NPIPB6: variants seen among roughly 807,000 people sequenced by gnomAD.
NPIPB6 encodes nuclear pore complex-interacting protein family member B6.
In NPIPB6, 2 loss-of-function variants were observed where a neutral mutation model predicts 20.0. The observed-to-expected ratio is 0.10, with a 90% confidence interval of 0.04 to 0.31. The LOEUF (loss-of-function observed/expected upper bound fraction) is 0.31. Among genes scored for constraint, NPIPB6 ranks in the 10% least tolerant of loss-of-function variants. The probability of loss-of-function intolerance (pLI) is 1.00; values close to 1 mark genes in which losing one functional copy is unlikely to be tolerated. For missense variants in NPIPB6, 96 were observed against 293.7 expected, an observed-to-expected ratio of 0.33 and a Z score of 4.92; for synonymous variants, 35 against 116.3, an observed-to-expected ratio of 0.30 and a Z score of 4.50.
At chr16:28,361,770 A>ATGTGTGTG (rs1462242029) in intron 1 of NPIPB6, among the ~76,000 whole-genome samples, 11 of 72,760 alleles carry the variant, frequency 1.5e-4, no homozygotes, top group African/African-American at 5.5e-4. Flanking sequence ...GTGTGTGTGT[A>ATGTGTGTG]TGTGTGTGTG....
chr16:28,348,235 T>C lies in NPIPB6; in HGVS notation c.599+599A>G, dbSNP rs1454184649. 1.9e-5 allele frequency among the ~76,000 whole-genome samples: 2 copies of C among 105,308 alleles called. 1 individual carries two copies. The highest frequency in any genetic ancestry group is 6.7e-5 in the African/African-American group (2 of 30,018). 69.1% of individuals were successfully genotyped at this position (105,308 alleles called of 152,430 possible). ...GTTGCAGTGAGCCAAGATTGCACCA[T>C]AGCACTCCAGCCAGGGCGACAGAGC... On this transcript the variant is annotated intron_variant, in intron 4 of 6. Coordinates refer to ENST00000532254, the Ensembl canonical transcript of NPIPB6.
intron 2 of NPIPB6, among the ~76,000 whole-genome samples, chr16:28,351,384 G>A (rs1203594782): frequency 0.037 from 1,400 of 38,218 alleles, no homozygotes; most frequent in African/African-American, 0.12. Context: ...GGTGGCTCAC[G>A]CTTGTAATCC....
rs1277933157 is a variant in NPIPB6, at chr16:28,355,763, AT to A, written c.121-2703del. On this transcript the variant is annotated intron_variant, in intron 1 of 6. Transcript: ENST00000532254. ...ACAAGGGAGAAACTGTCTCAAAAAA[AT>A]AAATAAATAAATAAAATAATGTAGA... 2.5e-3 allele frequency among the ~76,000 whole-genome samples: 319 copies of A among 129,018 alleles called. 8 individuals are homozygous for A. Among genetic ancestry groups the A allele is most frequent in the African/African-American group, 8.2e-3 (302 of 36,944 alleles). 84.6% of individuals were successfully genotyped at this position (129,018 alleles called of 152,430 possible). A position where few individuals can be genotyped will look rare whatever the true frequency, so the allele number is the denominator to read the frequency against.
intron 1 of NPIPB6, among the ~76,000 whole-genome samples, chr16:28,355,700 G>A (rs1279881052): frequency 1.5e-5 from 2 of 129,546 alleles, no homozygotes; most frequent in East Asian, 2.3e-4. Context: ...AGAGGTTGCG[G>A]TGAGCTGATA....
downstream of NPIPB6, chr16:28,342,526 A>G: frequency 1.1e-6 from 1 of 917,380 alleles, no homozygotes; most frequent in Non-Finnish European, 1.6e-6. Flanking sequence ...TTTTATTTTT[A>G]TATTATTTAT....
In NPIPB6 at chr16:28,355,805, G is replaced by A. The variant is rs1397295827; in HGVS notation, c.121-2744C>T. On this transcript the variant is annotated intron_variant, in intron 1 of 6. Transcript: ENST00000532254. The stretch of plus-strand genomic sequence containing the variant: ...ATAATGTAGATCTTGAAAGGGGGTC[G>A]GTTTATGCTGGTGTAAGTACTTTCC... Among the ~76,000 whole-genome samples, 23 of 120,514 alleles carry A rather than the reference G, an allele frequency of 1.9e-4. 3 individuals are homozygous for A. The highest frequency in any genetic ancestry group is 2.7e-4 in the Admixed American group (3 of 11,038). The allele number at this position is 120,514 out of a possible 152,430, so 79.1% of individuals were successfully genotyped here.
At chr16:28,361,758 G>C (rs1408018645) in intron 1 of NPIPB6, among the ~76,000 whole-genome samples, 2 of 78,902 alleles carry the variant, frequency 2.5e-5, no homozygotes, top group Non-Finnish European at 5.8e-5. Flanking sequence ...GTGTGTGTGT[G>C]TGTGTGTGTG....
At chr16:28,362,375 GGCAT>G in intron 1 of NPIPB6, among the ~76,000 whole-genome samples, 1 of 151,302 alleles carries the variant, frequency 6.6e-6, no homozygotes, top group Admixed American at 6.6e-5. Flanking sequence ...TGGGATTACA[GGCAT>G]GAGTCACCAT....
At chr16:28,362,820 C>T (rs1164961265) in exon 1 of NPIPB6, 1 of 1,569,570 alleles carries the variant, frequency 6.4e-7, no homozygotes, top group Non-Finnish European at 8.6e-7. Context: ...AGAGCTTCAC[C>T]ATTTGCAGAA....
chr16:28,355,211 AAC>A (rs1265607831), intron 1 of NPIPB6, among the ~76,000 whole-genome samples: 1 of 130,012 alleles, frequency 7.7e-6, no homozygotes, highest in Non-Finnish European at 1.7e-5. Flanking sequence ...TGGTGAATTA[AAC>A]AGAGATAGCC....
chr16:28,359,035 T>A (rs543326047), intron 1 of NPIPB6, among the ~76,000 whole-genome samples: 13 of 111,266 alleles, frequency 1.2e-4, no homozygotes, highest in Non-Finnish European at 2.0e-4. Flanking sequence ...TGAGCCGAGA[T>A]CGTACCATTG....
At chr16:28,351,333 G>C (rs2045224615) in intron 2 of NPIPB6, among the ~76,000 whole-genome samples, 2 of 45,980 alleles carry the variant, frequency 4.3e-5, no homozygotes, top group African/African-American at 1.1e-4. Context: ...AAATGGAACT[G>C]TTAAAAAGTG....
intron 1 of NPIPB6, among the ~76,000 whole-genome samples, chr16:28,361,987 T>C (rs1206003254): frequency 6.8e-6 from 1 of 147,450 alleles, no homozygotes; most frequent in Non-Finnish European, 1.5e-5. Flanking sequence ...AATTCTTTTA[T>C]TCAAAATTAT....
At chr16:28,346,628 C>G (rs1222177370) in intron 4 of NPIPB6, 2 of 427,768 alleles carry the variant, frequency 4.7e-6, no homozygotes, top group Admixed American at 9.9e-5. Flanking sequence ...AGTTCACAGA[C>G]ATTGAGGGCA....
At chr16:28,349,889 CAAAAAAAAAAAAA>C (rs1178858068) in intron 2 of NPIPB6, among the ~76,000 whole-genome samples, 1 of 16,888 alleles carries the variant, frequency 5.9e-5, no homozygotes, top group Admixed American at 8.2e-4. Flanking sequence ...AACTCTGTCT[CAAAAAAAAAAAAA>C]AAAAAAAAAA....
At chr16:28,359,199 T>G in intron 1 of NPIPB6, among the ~76,000 whole-genome samples, 8 of 107,896 alleles carry the variant, frequency 7.4e-5, no homozygotes, top group South Asian at 3.3e-4. Context: ...TGGCAGAGAG[T>G]ACTATAATGT....
rs1190448309 is a variant in NPIPB6, at chr16:28,360,359, G to A, written c.120+2344C>T. On this transcript the variant is annotated intron_variant, in intron 1 of 6. Coordinates refer to ENST00000532254, the Ensembl canonical transcript of NPIPB6. ...CAAAACTATCATATGGGGTAACTGAGGCAGTCAGAGATTTACTGACTCAAT... is the reference window on the plus strand; with the variant it reads ...CAAAACTATCATATGGGGTAACTGAAGCAGTCAGAGATTTACTGACTCAAT... 3.0e-5 allele frequency among the ~76,000 whole-genome samples: 4 copies of A among 131,994 alleles called. No individual in the cohort carries two copies. In the East Asian group the frequency reaches 8.3e-4, roughly 27 times the overall value. The allele number at this position is 131,994 out of a possible 152,430, so 86.6% of individuals were successfully genotyped here.
At chr16:28,360,931 TC>T (rs2045417995) in intron 1 of NPIPB6, among the ~76,000 whole-genome samples, 1 of 73,362 alleles carries the variant, frequency 1.4e-5, no homozygotes, top group African/African-American at 4.5e-5. Context: ...TACATTTCCA[TC>T]GTTTGGGGCT....
At chr16:28,342,750 C>A in exon 7 of NPIPB6, 1 of 1,578,658 alleles carries the variant, frequency 6.3e-7, no homozygotes, top group Non-Finnish European at 8.6e-7. Flanking sequence ...ACCTCATCCA[C>A]CCTCCGCCTC....
Sources: allele counts gnomAD v4.1 joint callset (sites outside exome capture counted in the v4.1 genomes callset), GRCh38; gene constraint gnomAD v4.1.1; transcripts MANE v1.5; gene names NCBI Gene and HGNC (gene_info 2026-07-23, HGNC 2026-07-21).